PALLD: variants seen among roughly 807,000 people sequenced by gnomAD.
PALLD encodes palladin, cytoskeletal associated protein.
In PALLD, 61 loss-of-function variants were observed where a neutral mutation model predicts 123.5. The ratio of observed to expected loss-of-function variants is 0.49; its 90% CI spans 0.40 to 0.61. The LOEUF is 0.61. PALLD is among the 20% of genes least tolerant of loss of function. PALLD has a pLI of 0.00. For synonymous variants in PALLD, 465 were observed against 496.4 expected, an observed-to-expected ratio of 0.94 and a Z score of 0.84; for missense variants, 1,273 against 1,377.0, an observed-to-expected ratio of 0.92 and a Z score of 1.20.
intron 2 of PALLD, among the ~76,000 whole-genome samples, chr4:168,538,530 G>A (rs889392306): frequency 6.6e-6 from 1 of 151,948 alleles, no homozygotes; most frequent in East Asian, 1.9e-4. Context: ...CATAGACCTT[G>A]TTTTTCAAAT....
chr4:168,522,009 T>C (rs372981407), intron 2 of PALLD, among the ~76,000 whole-genome samples: 14 of 152,236 alleles, frequency 9.2e-5, no homozygotes, highest in African/African-American at 3.4e-4. Flanking sequence ...CCATCCTCTC[T>C]TTCTAAATGT....
chr4:168,523,232 G>A (rs1212488112), intron 2 of PALLD, among the ~76,000 whole-genome samples: 2 of 124,446 alleles, frequency 1.6e-5, no homozygotes, highest in Non-Finnish European at 3.9e-5. Context: ...GAGAGGAGAG[G>A]AGGGGAGGGG....
At chr4:168,743,368 GCA>G (rs1788551855) in intron 10 of PALLD, among the ~76,000 whole-genome samples, 1 of 152,004 alleles carries the variant, frequency 6.6e-6, no homozygotes, top group African/African-American at 2.4e-5. Flanking sequence ...CCAGCAACTA[GCA>G]CAGTGTCTAA....
intron 10 of PALLD, among the ~76,000 whole-genome samples, chr4:168,860,856 C>G (rs746019616): frequency 3.3e-5 from 5 of 152,154 alleles, no homozygotes; most frequent in Non-Finnish European, 5.9e-5. Flanking sequence ...TCCTCTAGTC[C>G]TCAACGTGAC....
intron 2 of PALLD, among the ~76,000 whole-genome samples, chr4:168,565,312 C>T (rs1475747087): frequency 1.3e-5 from 2 of 151,866 alleles, no homozygotes; most frequent in South Asian, 2.1e-4. Flanking sequence ...TTTCAGTAGC[C>T]TCTGGGGATA....
rs572914905 is a variant in PALLD at position 168,640,239 on chromosome 4, T to C, written c.909-27951T>C. Reference sequence around the variant, plus strand: ...TGTGATAATGATTGTTTCCTCCATGTAGCATCCAGAACTTTTCCGATTGAG... The same window carrying C: ...TGTGATAATGATTGTTTCCTCCATGCAGCATCCAGAACTTTTCCGATTGAG... On this transcript the variant is annotated intron_variant, in intron 2 of 21. Transcript: ENST00000505667. 8.8e-4 allele frequency among the ~76,000 whole-genome samples: 134 copies of C among 152,340 alleles called. 1 individual carries two copies. The highest frequency in any genetic ancestry group is 3.2e-3 in the African/African-American group (131 of 41,580).
chr4:168,835,097 T>G (rs1173197967), intron 10 of PALLD, among the ~76,000 whole-genome samples: 1 of 152,212 alleles, frequency 6.6e-6, no homozygotes, highest in Non-Finnish European at 1.5e-5. Flanking sequence ...TTTCCAGATT[T>G]CTTTCACAAT....
chr4:168,642,672 G>T (rs889414701), intron 2 of PALLD, among the ~76,000 whole-genome samples: 1 of 152,228 alleles, frequency 6.6e-6, no homozygotes, highest in African/African-American at 2.4e-5. Flanking sequence ...AAAGTGCTGG[G>T]ATTACAGACA....
intron 2 of PALLD, among the ~76,000 whole-genome samples, chr4:168,656,520 A>ATCAC (rs1430734315): frequency 6.6e-6 from 1 of 152,168 alleles, no homozygotes; most frequent in African/African-American, 2.4e-5. Flanking sequence ...AAAAGCCATA[A>ATCAC]TATTCATTAG....
At chr4:168,530,051 A>G (rs1010359734) in intron 2 of PALLD, among the ~76,000 whole-genome samples, 30 of 152,184 alleles carry the variant, frequency 2.0e-4, no homozygotes, top group Admixed American at 2.6e-4. Flanking sequence ...TCTGTGTTAG[A>G]ACAATTACAT....
chr4:168,615,158 A>C (rs1031491825), intron 2 of PALLD, among the ~76,000 whole-genome samples: 1 of 99,568 alleles, frequency 1.0e-5, no homozygotes. Context: ...AAAGATGGTA[A>C]GTTAAAAAAA....
chr4:168,926,442 T>C lies in PALLD; in HGVS notation c.*262T>C. 8.0e-7 allele frequency: 1 copy of C among 1,245,648 alleles called. No homozygotes were observed. The highest frequency in any genetic ancestry group is 2.5e-5 in the East Asian group (1 of 39,390). The allele number at this position is 1,245,648 out of a possible 1,614,324, so 77.2% of individuals were successfully genotyped here. ...AACAGCCATTGCCTTGACCAACATATTCCTTTGTCACATTATGTAAAAGGC... is the reference window on the plus strand; with the variant it reads ...AACAGCCATTGCCTTGACCAACATACTCCTTTGTCACATTATGTAAAAGGC... On this transcript the variant is annotated 3_prime_UTR_variant, in exon 22 of 22. Transcript: ENST00000505667.
At position 168,646,179 on chromosome 4, in the gene PALLD, A is replaced by T. The variant is rs1580742463; in HGVS notation, c.909-22011A>T. On this transcript the variant is annotated intron_variant, in intron 2 of 21. Coordinates refer to ENST00000505667, the MANE Select transcript of PALLD (RefSeq NM_001166108.2). ...TGCAGGAAGCTCAGCTTTCCCACGAAAAAGAAGGGCTGGGTCCTATGCCAG... is the reference window on the plus strand; with the variant it reads ...TGCAGGAAGCTCAGCTTTCCCACGATAAAGAAGGGCTGGGTCCTATGCCAG... Among the ~76,000 whole-genome samples, 3 of 152,240 alleles carry T rather than the reference A, an allele frequency of 2.0e-5. No individual in the cohort carries two copies. In the South Asian group the frequency reaches 6.2e-4, roughly 32 times the overall value.
chr4:168,576,280 A>T (rs1313852438), intron 2 of PALLD, among the ~76,000 whole-genome samples: 1 of 151,834 alleles, frequency 6.6e-6, no homozygotes, highest in African/African-American at 2.4e-5. Flanking sequence ...GAACATGTGC[A>T]CAACGTGCAG....
At chr4:168,619,153 C>G (rs1235870726) in intron 2 of PALLD, among the ~76,000 whole-genome samples, 1 of 152,134 alleles carries the variant, frequency 6.6e-6, no homozygotes, top group Non-Finnish European at 1.5e-5. Flanking sequence ...CCACTTTGTA[C>G]AAAGACACAC....
intron 10 of PALLD, among the ~76,000 whole-genome samples, chr4:168,836,705 C>G (rs915852329): frequency 2.6e-5 from 4 of 152,148 alleles, no homozygotes; most frequent in African/African-American, 7.2e-5. Context: ...CATTCGGATG[C>G]CTTTGTGAGG....
At chr4:168,794,043 C>A (rs1369786038) in intron 10 of PALLD, among the ~76,000 whole-genome samples, 1 of 152,158 alleles carries the variant, frequency 6.6e-6, no homozygotes, top group South Asian at 2.1e-4. Context: ...GGCTGTTTCT[C>A]CTCTAGGTGC....
At chr4:168,755,330 G>A (rs369938662) in intron 10 of PALLD, among the ~76,000 whole-genome samples, 4 of 152,036 alleles carry the variant, frequency 2.6e-5, no homozygotes, top group Non-Finnish European at 5.9e-5. Context: ...GTAAAATATG[G>A]GCAGGGACTT....
intron 2 of PALLD, among the ~76,000 whole-genome samples, chr4:168,542,221 TTTG>T (rs1346106434): frequency 6.6e-6 from 1 of 151,978 alleles, no homozygotes; most frequent in African/African-American, 2.4e-5. Flanking sequence ...GCCTGAGCAG[TTTG>T]TCTCTGGGAT....
Sources: gnomAD v4.1 joint callset for allele counts (sites outside exome capture counted in the v4.1 genomes callset) on GRCh38, gnomAD v4.1.1 for gene constraint, MANE v1.5 for transcripts, NCBI Gene and HGNC (gene_info 2026-07-23, HGNC 2026-07-21) for gene names.